GPC6: variants seen among roughly 807,000 people sequenced by gnomAD.
GPC6 encodes glypican 6.
In GPC6, 14 loss-of-function variants were observed where a neutral mutation model predicts 55.2. The observed-to-expected ratio is 0.25, with a 90% CI of 0.17 to 0.40. The LOEUF is 0.40. Ranked by LOEUF, GPC6 falls within the 10% of genes least tolerant of loss-of-function variation. GPC6 has a pLI of 1.00. For missense variants in GPC6, 641 were observed against 708.5 expected (o/e 0.90, Z 1.08); for synonymous variants, 278 against 259.6 (o/e 1.07, Z -0.68).
At chr13:94,230,039 G>A (rs567418971) in intron 4 of GPC6, among the ~76,000 whole-genome samples, 13 of 152,308 alleles carry the variant, frequency 8.5e-5, no homozygotes, top group South Asian at 4.1e-4. Flanking sequence ...AGACAGATTC[G>A]TGGGCTGATT....
chr13:94,216,077 A>C (rs1442172060), intron 4 of GPC6, among the ~76,000 whole-genome samples: 1 of 152,186 alleles, frequency 6.6e-6, no homozygotes, highest in Non-Finnish European at 1.5e-5. Context: ...ATCTTTTCCA[A>C]ATGTATCTTA....
chr13:93,446,106 T>C (rs1483904861), intron 1 of GPC6, among the ~76,000 whole-genome samples: 1 of 152,244 alleles, frequency 6.6e-6, no homozygotes, highest in Admixed American at 6.5e-5. Context: ...AGACACCTAC[T>C]TGTTCACTTT....
intron 2 of GPC6, among the ~76,000 whole-genome samples, chr13:93,666,527 A>T (rs1325619010): frequency 6.6e-6 from 1 of 152,136 alleles, no homozygotes; most frequent in Non-Finnish European, 1.5e-5. Flanking sequence ...AATATATATA[A>T]AGCATCTAGC....
At chr13:93,940,521 A>G (rs1878683066) in intron 3 of GPC6, among the ~76,000 whole-genome samples, 1 of 152,056 alleles carries the variant, frequency 6.6e-6, no homozygotes, top group African/African-American at 2.4e-5. Flanking sequence ...TAAGTCCTCT[A>G]GGTATAAATA....
intron 1 of GPC6, among the ~76,000 whole-genome samples, chr13:93,319,492 A>T (rs1879357660): frequency 6.6e-6 from 1 of 152,204 alleles, no homozygotes; most frequent in South Asian, 2.1e-4. Flanking sequence ...TATTACTGTC[A>T]GAGCTAATGA....
intron 5 of GPC6, among the ~76,000 whole-genome samples, chr13:94,296,041 G>C (rs775199788): frequency 1.5e-4 from 23 of 151,908 alleles, no homozygotes; most frequent in Non-Finnish European, 2.8e-4. Context: ...TTCTATTCCT[G>C]CTTGTAATAT....
chr13:94,267,756 A>G (rs1891863149), intron 4 of GPC6, among the ~76,000 whole-genome samples: 1 of 152,174 alleles, frequency 6.6e-6, no homozygotes, highest in South Asian at 2.1e-4. Flanking sequence ...TTGTTATGTT[A>G]AGTGCTTTGG....
chr13:93,753,179 T>C (rs1261560772), intron 2 of GPC6, among the ~76,000 whole-genome samples: 1 of 152,184 alleles, frequency 6.6e-6, no homozygotes, highest in African/African-American at 2.4e-5. Context: ...GTTACTTCCC[T>C]GACCATAGTG....
At chr13:94,079,866 A>G (rs1187391917) in intron 4 of GPC6, among the ~76,000 whole-genome samples, 3 of 152,208 alleles carry the variant, frequency 2.0e-5, no homozygotes, top group Admixed American at 2.0e-4. Flanking sequence ...CCCAGCTTGT[A>G]TCACATTGCC....
In GPC6 at chr13:94,219,909, A is replaced by G. The variant is rs560381400; in HGVS notation, c.878-66440A>G. Among the ~76,000 whole-genome samples the G allele has an allele frequency of 2.0e-5, 3 of 152,250 alleles. No homozygotes were observed. In the East Asian group the frequency reaches 5.8e-4, roughly 29 times the overall value. ...GTCATTCAGGTTCTGATGATGTCCC[A>G]GTCTTATTGGTTCCAAGAGGAGGAT... On this transcript the variant is annotated intron_variant, in intron 4 of 8. Transcript: ENST00000377047.
At chr13:93,406,792 C>T (rs887044076) in intron 1 of GPC6, among the ~76,000 whole-genome samples, 1 of 152,120 alleles carries the variant, frequency 6.6e-6, no homozygotes, top group African/African-American at 2.4e-5. Context: ...GCCAAATCTA[C>T]TCATTAAGGA....
intron 2 of GPC6, among the ~76,000 whole-genome samples, chr13:93,685,851 A>T (rs1282662000): frequency 6.6e-6 from 1 of 152,194 alleles, no homozygotes; most frequent in Non-Finnish European, 1.5e-5. Flanking sequence ...CCAGTAGGAA[A>T]GATTGAAGAG....
At position 93,373,915 on chromosome 13, in the gene GPC6, A is replaced by G. The variant is rs1187576669; in HGVS notation, c.160+146299A>G. On this transcript the variant is annotated intron_variant, in intron 1 of 8. Transcript: ENST00000377047. The stretch of plus-strand genomic sequence containing the variant: ...AATTATTTTTAGCAGATATTTATCT[A>G]GTACTTTGCAGTTACATTACTGAGT... Among the ~76,000 whole-genome samples, 3 of 152,330 alleles carry G rather than the reference A, an allele frequency of 2.0e-5. No homozygotes were observed. In the East Asian group the frequency reaches 5.8e-4, roughly 29 times the overall value.
intron 2 of GPC6, among the ~76,000 whole-genome samples, chr13:93,584,409 G>A (rs928706634): frequency 1.3e-5 from 2 of 152,032 alleles, no homozygotes; most frequent in South Asian, 2.1e-4. Flanking sequence ...CTAGGACATC[G>A]TTGGCTTTTT....
At chr13:94,137,054 C>T (rs1045180414) in intron 4 of GPC6, among the ~76,000 whole-genome samples, 3 of 152,296 alleles carry the variant, frequency 2.0e-5, no homozygotes, top group Non-Finnish European at 2.9e-5. Context: ...TCCTAAATTT[C>T]TGACTTTCAC....
At chr13:93,625,315 CT>C (rs536220199) in intron 2 of GPC6, among the ~76,000 whole-genome samples, 15 of 152,124 alleles carry the variant, frequency 9.9e-5, no homozygotes, top group Non-Finnish European at 2.1e-4. Context: ...GATGTTCAGT[CT>C]GTCACATTAG....
In GPC6 at chr13:93,830,563, T is replaced by C. The variant is rs1486874456; in HGVS notation, c.711+18T>C. ...TTTCCAAGGTAATTGAAAACGTGCT[T>C]TCTTTCTCATTGGTGTTCCTTGTTT... On this transcript the variant is annotated intron_variant, in intron 3 of 8. Coordinates refer to ENST00000377047, the MANE Select transcript of GPC6 (RefSeq NM_005708.5). 1.3e-6 allele frequency: 2 copies of C among 1,594,582 alleles called. No homozygotes were observed. The highest frequency in any genetic ancestry group is 2.2e-5 in the South Asian group (2 of 90,262).
At chr13:94,352,271 A>G (rs1170865531) in intron 6 of GPC6, among the ~76,000 whole-genome samples, 1 of 152,038 alleles carries the variant, frequency 6.6e-6, no homozygotes, top group African/African-American at 2.4e-5. Flanking sequence ...GCTCTCTTCC[A>G]GGATCCCAGG....
At chr13:93,274,160 T>C (rs764958644) in intron 1 of GPC6, among the ~76,000 whole-genome samples, 2 of 152,188 alleles carry the variant, frequency 1.3e-5, no homozygotes, top group Non-Finnish European at 2.9e-5. Flanking sequence ...TTTAAAACTT[T>C]AAAAGCGAGT....
Sources: gnomAD v4.1 joint callset for allele counts (sites outside exome capture counted in the v4.1 genomes callset) on GRCh38, gnomAD v4.1.1 for gene constraint, MANE v1.5 for transcripts, NCBI Gene and HGNC (gene_info 2026-07-23, HGNC 2026-07-21) for gene names.